Variants in CSMD2 observed in about 807,000 individuals in gnomAD.
The protein encoded by CSMD2 is CUB and Sushi multiple domains 2.
A neutral mutation model predicts 398.5 loss-of-function variants in CSMD2; 130 were observed. That is an observed-to-expected ratio of 0.33 (90% CI 0.28 to 0.38). The LOEUF (loss-of-function observed/expected upper bound fraction) is 0.38. Ranked by LOEUF, CSMD2 falls within the 10% of genes least tolerant of loss-of-function variation. CSMD2 has a pLI of 1.00. For synonymous variants in CSMD2, 1,828 were observed against 1,908.5 expected, an observed-to-expected ratio of 0.96 and a Z score of 1.10; for missense variants, 3,829 against 4,764.9, an observed-to-expected ratio of 0.80 and a Z score of 5.78.
chr1:33,967,421 C>G (rs561368015), intron 3 of CSMD2, among the ~76,000 whole-genome samples: 46 of 152,112 alleles, frequency 3.0e-4, no homozygotes, highest in Non-Finnish European at 6.2e-4. Flanking sequence ...CCTGTTTAAT[C>G]GCCCAGCACA....
At chr1:33,924,615 T>A (rs1010540440) in intron 4 of CSMD2, among the ~76,000 whole-genome samples, 1 of 152,204 alleles carries the variant, frequency 6.6e-6, no homozygotes, top group Admixed American at 6.5e-5. Flanking sequence ...GAAATCTCCA[T>A]ACTGTTTTCT....
At chr1:33,541,552 G>A (rs1291854349) in intron 58 of CSMD2, among the ~76,000 whole-genome samples, 2 of 152,042 alleles carry the variant, frequency 1.3e-5, no homozygotes, top group Non-Finnish European at 2.9e-5. Context: ...CTGCAGCCTC[G>A]AACTCCTGGG....
At chr1:34,057,680 C>T (rs1040960956) in intron 2 of CSMD2, among the ~76,000 whole-genome samples, 4 of 152,134 alleles carry the variant, frequency 2.6e-5, no homozygotes, top group African/African-American at 9.7e-5. Flanking sequence ...GCTTGTTTGT[C>T]CCCAGTGCCT....
intron 2 of CSMD2, among the ~76,000 whole-genome samples, chr1:34,068,879 T>C (rs754747127): frequency 4.6e-5 from 7 of 152,204 alleles, no homozygotes; most frequent in Non-Finnish European, 8.8e-5. Context: ...CTGCCATCCA[T>C]GTAAGATGTG....
intron 6 of CSMD2, among the ~76,000 whole-genome samples, chr1:33,835,496 C>T (rs1379321605): frequency 4.1e-5 from 2 of 49,380 alleles, no homozygotes; most frequent in Non-Finnish European, 6.1e-5. Context: ...ACTCTGGGGA[C>T]TGTTGTGGGG....
chr1:33,666,532 GAT>G (rs1046847316), intron 25 of CSMD2, among the ~76,000 whole-genome samples: 7 of 95,062 alleles, frequency 7.4e-5, no homozygotes, highest in African/African-American at 1.2e-4. Flanking sequence ...TTTATTGTCA[GAT>G]ATATATATGT....
chr1:33,567,478 C>CATATATAT (rs774765893), intron 53 of CSMD2, 115 bp downstream of exon 53: 31 of 469,806 alleles, frequency 6.6e-5, no homozygotes, highest in Admixed American at 9.6e-5. Context: ...AAATAGCAAT[C>CATATATAT]ATATATATAT....
At chr1:33,933,169 G>A (rs550954239) in intron 4 of CSMD2, among the ~76,000 whole-genome samples, 2 of 152,284 alleles carry the variant, frequency 1.3e-5, no homozygotes, top group East Asian at 3.9e-4. Flanking sequence ...GTTTTTGTTT[G>A]TTGGCTTGTA....
intron 3 of CSMD2, among the ~76,000 whole-genome samples, chr1:33,943,287 A>G (rs1353107730): frequency 6.6e-6 from 1 of 152,204 alleles, no homozygotes; most frequent in Non-Finnish European, 1.5e-5. Context: ...ACTGTTGCTG[A>G]CGTTTTTTCT....
At chr1:33,647,374 A>G (rs1345343463) in intron 28 of CSMD2, among the ~76,000 whole-genome samples, 1 of 152,196 alleles carries the variant, frequency 6.6e-6, no homozygotes, top group African/African-American at 2.4e-5. Context: ...CCTAGCACCC[A>G]CAAATGTCCT....
chr1:33,763,248 C>T (rs1187020411), intron 13 of CSMD2, among the ~76,000 whole-genome samples: 1 of 152,172 alleles, frequency 6.6e-6, no homozygotes, highest in African/African-American at 2.4e-5. Flanking sequence ...GACCAAACCT[C>T]ACAGAACTGA....
At chr1:33,824,451 C>G (rs1344940093) in intron 7 of CSMD2, among the ~76,000 whole-genome samples, 4 of 152,204 alleles carry the variant, frequency 2.6e-5, no homozygotes, top group Non-Finnish European at 5.9e-5. Flanking sequence ...CAGCCTGTGG[C>G]AACTGTCTCC....
intron 4 of CSMD2, among the ~76,000 whole-genome samples, chr1:33,929,699 TCTTAC>T (rs1375780257): frequency 6.6e-6 from 1 of 152,096 alleles, no homozygotes; most frequent in African/African-American, 2.4e-5. Flanking sequence ...GCCTCCGCTT[TCTTAC>T]CTTGCTTCAC....
At chr1:33,870,016 C>CT (rs1558031970) in intron 5 of CSMD2, among the ~76,000 whole-genome samples, 1 of 152,160 alleles carries the variant, frequency 6.6e-6, no homozygotes. Flanking sequence ...GCATCCGGGC[C>CT]ACACAGCAGC....
intron 18 of CSMD2, 82 bp from the exon 19 acceptor site, chr1:33,724,395 C>A: frequency 6.7e-7 from 1 of 1,500,836 alleles, no homozygotes; most frequent in Non-Finnish European, 9.2e-7. Context: ...CCCCATCCCC[C>A]ATCTCTCGAA....
intron 2 of CSMD2, among the ~76,000 whole-genome samples, chr1:34,062,337 A>G (rs1312314302): frequency 6.6e-6 from 1 of 152,222 alleles, no homozygotes; most frequent in African/African-American, 2.4e-5. Context: ...CAAGTAACAC[A>G]TGTCATTGAC....
chr1:34,076,064 T>A (rs962997812), intron 2 of CSMD2, among the ~76,000 whole-genome samples: 116 of 152,356 alleles, frequency 7.6e-4, no homozygotes, highest in Non-Finnish European at 3.7e-4. Context: ...TAGCTCCAGA[T>A]GAAATGTGAG....
At chr1:34,149,845 G>A (rs937845151) in intron 1 of CSMD2, among the ~76,000 whole-genome samples, 29 of 152,170 alleles carry the variant, frequency 1.9e-4, no homozygotes, top group Non-Finnish European at 3.7e-4. Context: ...GGAGGGGAAG[G>A]CGGTGCTGCA....
chr1:33,667,071 A>T (rs1644341465), intron 25 of CSMD2, among the ~76,000 whole-genome samples: 1 of 152,216 alleles, frequency 6.6e-6, no homozygotes, highest in African/African-American at 2.4e-5. Context: ...TTAGGATGCC[A>T]TAGAGAATAC....
Sources: allele counts gnomAD v4.1 joint callset (sites outside exome capture counted in the v4.1 genomes callset), GRCh38; gene constraint gnomAD v4.1.1; transcripts MANE v1.5; gene names NCBI Gene and HGNC (gene_info 2026-07-23, HGNC 2026-07-21).